The following SLC36A1 variants were observed in gnomAD, a reference collection of about 807,000 sequenced individuals.
SLC36A1 encodes the protein solute carrier family 36 member 1, also known as proton-coupled amino acid transporter 1.
SLC36A1 carries 30 observed loss-of-function variants against 47.5 expected under a neutral mutation model. The ratio of observed to expected loss-of-function variants is 0.63; its 90% CI spans 0.47 to 0.86. The LOEUF is 0.86. SLC36A1 is among the 40% of genes least tolerant of loss of function. SLC36A1 has a pLI of 0.00. For synonymous variants in SLC36A1, 255 were observed against 249.7 expected (o/e 1.02, Z -0.20); for missense variants, 517 against 606.0 (o/e 0.85, Z 1.54).
chr5:151,549,341 A>G, the SLC36A1 span: 1 of 1,613,884 alleles, frequency 6.2e-7, no homozygotes, highest in East Asian at 2.2e-5. Context: ...CCCGGTCAGC[A>G]TCCATGGCTC....
chr5:151,433,267 T>TA (rs1421061752), upstream of SLC36A1, among the ~76,000 whole-genome samples: 42 of 7,632 alleles, frequency 5.5e-3, no homozygotes, highest in Admixed American at 0.011. Context: ...TATATATATA[T>TA]TTTTTTTTTT....
the SLC36A1 span, among the ~76,000 whole-genome samples, chr5:151,398,281 T>C: frequency 6.6e-6 from 1 of 152,110 alleles, no homozygotes; most frequent in Non-Finnish European, 1.5e-5. Flanking sequence ...AAATGGCAAT[T>C]AGAATGTACA....
chr5:151,354,621 C>T, the SLC36A1 span, among the ~76,000 whole-genome samples: 845 of 152,262 alleles, frequency 5.5e-3, 8 homozygotes, highest in African/African-American at 0.019. Flanking sequence ...GGGCCCTGTC[C>T]CTCAGCGGGG....
the SLC36A1 span, among the ~76,000 whole-genome samples, chr5:151,416,291 A>G: frequency 3.9e-5 from 6 of 152,200 alleles, no homozygotes; most frequent in Non-Finnish European, 8.8e-5. Flanking sequence ...TGCTTACTGC[A>G]GCAACTAGAG....
chr5:151,448,963 G>A (rs1753219589), intron 1 of SLC36A1, among the ~76,000 whole-genome samples: 1 of 152,152 alleles, frequency 6.6e-6, no homozygotes, highest in Non-Finnish European at 1.5e-5. Flanking sequence ...TGCTGCCCAG[G>A]CTGATCTCAA....
At chr5:151,477,635 A>C (rs1758256245) in intron 9 of SLC36A1, 1 of 152,238 alleles carries the variant, frequency 6.6e-6, no homozygotes, top group African/African-American at 2.4e-5. Context: ...CTCGTGAGGC[A>C]TACCAATTAT....
the SLC36A1 span, among the ~76,000 whole-genome samples, chr5:151,430,860 C>T: frequency 6.6e-6 from 1 of 152,328 alleles, no homozygotes; most frequent in South Asian, 2.1e-4. Context: ...AACACAAAGC[C>T]TTGCCCATTT....
At chr5:151,525,947 T>G in the SLC36A1 span, 1 of 1,614,138 alleles carries the variant, frequency 6.2e-7, no homozygotes, top group Non-Finnish European at 8.5e-7. Context: ...AGGACTTTGC[T>G]GCCAATGGGG....
At chr5:151,507,501 G>A in the SLC36A1 span, 15 of 1,613,978 alleles carry the variant, frequency 9.3e-6, no homozygotes, top group East Asian at 4.5e-5. Flanking sequence ...GATAATGAAC[G>A]CCACGGCCAC....
the SLC36A1 span, among the ~76,000 whole-genome samples, chr5:151,500,820 C>A: frequency 6.6e-6 from 1 of 152,226 alleles, no homozygotes; most frequent in Non-Finnish European, 1.5e-5. Flanking sequence ...GCCTGAGCCC[C>A]AGTGGTTTAG....
the SLC36A1 span, among the ~76,000 whole-genome samples, chr5:151,421,507 G>A: frequency 6.6e-6 from 1 of 151,616 alleles, no homozygotes; most frequent in Non-Finnish European, 1.5e-5. Context: ...CTCCCAAAGT[G>A]CTGGGAATAC....
the SLC36A1 span, among the ~76,000 whole-genome samples, chr5:151,353,302 C>T: frequency 1.3e-5 from 2 of 152,144 alleles, no homozygotes; most frequent in Non-Finnish European, 2.9e-5. Context: ...TGAGCACACA[C>T]AAAGATACTA....
At chr5:151,503,732 C>CAAAG in the SLC36A1 span, among the ~76,000 whole-genome samples, 3 of 152,264 alleles carry the variant, frequency 2.0e-5, no homozygotes, top group East Asian at 5.8e-4. Flanking sequence ...CCATGCAGTG[C>CAAAG]AAAGAGTGCT....
At chr5:151,527,317 C>T in the SLC36A1 span, 43 of 1,613,322 alleles carry the variant, frequency 2.7e-5, no homozygotes, top group Non-Finnish European at 3.6e-5. Context: ...ATGTCTGTGT[C>T]CTCATGCAGT....
chr5:151,458,888 C>G lies in SLC36A1; in HGVS notation c.96C>G (p.Leu32=). ...GCCCGTCGGAAGGCCTCAACAACCTCTCCTCCCCGGGCTCCTACCAGCGCT... is the reference window on the plus strand; with the variant it reads ...GCCCGTCGGAAGGCCTCAACAACCTGTCCTCCCCGGGCTCCTACCAGCGCT... ...EESPSEGLNN[L]SSPGSYQRFG... The change falls in exon 2 of 11, where the codon CTC becomes CTG. Residue 32 remains leucine (L), a synonymous_variant. Coordinates refer to ENST00000243389, the MANE Select transcript of SLC36A1 (RefSeq NM_078483.4). 1.2e-6 allele frequency: 2 copies of G among 1,614,058 alleles called. No individual in the cohort carries two copies. Among genetic ancestry groups the G allele is most frequent in the Non-Finnish European group, 1.7e-6 (2 of 1,180,000 alleles).
At chr5:151,434,080 G>A (rs2127434915), upstream of SLC36A1, among the ~76,000 whole-genome samples, 1 of 152,316 alleles carries the variant, frequency 6.6e-6, no homozygotes, top group African/African-American at 2.4e-5. Context: ...GTTGCCAGCT[G>A]CTGGCAGAAG....
intron 3 of SLC36A1, 49 bp from the exon 4 acceptor site, chr5:151,464,465 A>G: frequency 1.3e-6 from 2 of 1,535,870 alleles, no homozygotes; most frequent in African/African-American, 1.4e-5. Flanking sequence ...TTCACTCCTA[A>G]TTCTACCTAC....
chr5:151,351,839 A>G, the SLC36A1 span, among the ~76,000 whole-genome samples: 12 of 152,106 alleles, frequency 7.9e-5, no homozygotes, highest in African/African-American at 2.2e-4. Context: ...TTTAAAATCT[A>G]TTTCCTCACA....
chr5:151,357,550 A>G, the SLC36A1 span, among the ~76,000 whole-genome samples: 2 of 152,250 alleles, frequency 1.3e-5, no homozygotes, highest in African/African-American at 2.4e-5. Context: ...TTAGTAAACT[A>G]TGGCCTATTG....
Sources: allele counts gnomAD v4.1 joint callset (sites outside exome capture counted in the v4.1 genomes callset), GRCh38; gene constraint gnomAD v4.1.1; transcripts MANE v1.5; gene names NCBI Gene and HGNC (gene_info 2026-07-23, HGNC 2026-07-21).